The following OR10Z1 variants were observed in gnomAD, a reference collection of about 807,000 sequenced individuals.
OR10Z1 encodes olfactory receptor family 10 subfamily Z member 1, also known as olfactory receptor 10Z1.
For synonymous variants in OR10Z1, 187 were observed against 151.2 expected (o/e 1.24, Z -1.74); for missense variants, 468 against 371.0 (o/e 1.26, Z -2.15).
intron 1 of OR10Z1, among the ~76,000 whole-genome samples, chr1:158,605,636 C>T (rs1649030072): frequency 6.6e-6 from 1 of 152,266 alleles, no homozygotes; most frequent in South Asian, 2.1e-4. Flanking sequence ...AAGTGATTAT[C>T]GTTGAACTAA....
Position 158,607,348 on chromosome 1 carries a change from G to C in OR10Z1, c.910G>C (p.Ala304Pro). The change falls in exon 2 of 2, where the codon GCT becomes CCT. Residue 304 changes from alanine (A) to proline (P), a missense_variant. Ala to Pro is a conservative substitution (Grantham distance 27). Coordinates refer to ENST00000641002, the MANE Select transcript of OR10Z1 (RefSeq NM_001004478.2). ...GGCTATACAGACAGCTCTGAGGAATGCTTTCAGAGGGAGATTGCTGGGTAA... is the reference window on the plus strand; with the variant it reads ...GGCTATACAGACAGCTCTGAGGAATCCTTTCAGAGGGAGATTGCTGGGTAA... ...NRAIQTALRNAFRGRLLGKG is the reference protein window; with the variant it reads ...NRAIQTALRNPFRGRLLGKG The C allele has an allele frequency of 6.2e-7, 1 of 1,613,342 alleles. No homozygotes were observed. Among genetic ancestry groups the C allele is most frequent in the African/African-American group, 1.3e-5 (1 of 75,014 alleles).
chr1:158,611,069 T>C lies in OR10Z1; in HGVS notation c.*3689T>C. 2.8e-6 allele frequency: 2 copies of C among 719,008 alleles called. No homozygotes were observed. Among genetic ancestry groups the C allele is most frequent in the South Asian group, 3.5e-5 (2 of 57,022 alleles). The allele number at this position is 719,008 out of a possible 1,614,324, so 44.5% of individuals were successfully genotyped here. A position where few individuals can be genotyped will look rare whatever the true frequency, so the allele number is the denominator to read the frequency against. On this transcript the variant is annotated 3_prime_UTR_variant, in exon 2 of 2. Coordinates refer to ENST00000641002, the MANE Select transcript of OR10Z1 (RefSeq NM_001004478.2). ...ACTCCTCCAACTCTATTAACCTTTC[T>C]ATCTCCCACCCTTGAGATTTTTTAA... is the stretch of plus-strand genomic sequence containing the variant.
Position 158,611,718 on chromosome 1 carries a change from C to A in OR10Z1, c.*4338C>A. The A allele has an allele frequency of 3.6e-6, 1 of 279,576 alleles. No homozygotes were observed. Among genetic ancestry groups the A allele is most frequent in the South Asian group, 3.7e-5 (1 of 26,966 alleles). The allele number at this position is 279,576 out of a possible 1,614,324, so 17.3% of individuals were successfully genotyped here. On this transcript the variant is annotated 3_prime_UTR_variant, in exon 2 of 2. Coordinates refer to ENST00000641002, the MANE Select transcript of OR10Z1 (RefSeq NM_001004478.2). ...TTGATCTATTTCATCTTCCTGGCTG[C>A]TTTGAGATGTGGGGACTAGCATGTT...
Position 158,610,430 on chromosome 1 carries a change from A to G in OR10Z1, c.*3050A>G, listed in dbSNP as rs572761990. On this transcript the variant is annotated 3_prime_UTR_variant, in exon 2 of 2. Transcript: ENST00000641002. ...CCTGAAAATTTTTGAAGATAGCATC[A>G]CCTCTTCTTTTTTTAAAATTAATTC... 2.6e-5 allele frequency: 4 copies of G among 152,258 alleles called. No individual in the cohort carries two copies. The South Asian group carries it at 8.3e-4, about 32-fold the overall frequency. 9.4% of individuals were successfully genotyped at this position (152,258 alleles called of 1,614,324 possible).
Position 158,609,507 on chromosome 1 carries a change from G to A in OR10Z1, c.*2127G>A, listed in dbSNP as rs954330569. The A allele has an allele frequency of 1.3e-5, 2 of 152,132 alleles. No homozygotes were observed. The highest frequency in any genetic ancestry group is 2.4e-5 in the African/African-American group (1 of 41,432). 9.4% of individuals were successfully genotyped at this position (152,132 alleles called of 1,614,324 possible). A position where few individuals can be genotyped will look rare whatever the true frequency, so the allele number is the denominator to read the frequency against. On this transcript the variant is annotated 3_prime_UTR_variant, in exon 2 of 2. Coordinates refer to ENST00000641002, the MANE Select transcript of OR10Z1 (RefSeq NM_001004478.2). ...TTGACTAAATGCACAGTGACGAATG[G>A]TTAGTAAGGATGTTTCAAGTATTGC...
At position 158,609,837 on chromosome 1, in the gene OR10Z1, G is replaced by C. The variant is rs1469694839; in HGVS notation, c.*2457G>C. 6.6e-6 allele frequency: 1 copy of C among 152,068 alleles called. No individual in the cohort carries two copies. Among genetic ancestry groups the C allele is most frequent in the Non-Finnish European group, 1.5e-5 (1 of 67,994 alleles). 9.4% of individuals were successfully genotyped at this position (152,068 alleles called of 1,614,324 possible). A position where few individuals can be genotyped will look rare whatever the true frequency, so the allele number is the denominator to read the frequency against. ...TTGATTTAGGCCTTGAAAATTTTTG[G>C]CAGGGTTAGCATTGGGGGAATGGAA... is the stretch of plus-strand genomic sequence containing the variant. On this transcript the variant is annotated 3_prime_UTR_variant, in exon 2 of 2. Coordinates refer to ENST00000641002, the MANE Select transcript of OR10Z1 (RefSeq NM_001004478.2).
chr1:158,607,523 T>C lies in OR10Z1; in HGVS notation c.*143T>C, dbSNP rs1649091517. The C allele has an allele frequency of 1.6e-6, 1 of 622,824 alleles. No homozygotes were observed. Among genetic ancestry groups the C allele is most frequent in the African/African-American group, 1.8e-5 (1 of 54,470 alleles). The allele number at this position is 622,824 out of a possible 1,614,324, so 38.6% of individuals were successfully genotyped here. On this transcript the variant is annotated 3_prime_UTR_variant, in exon 2 of 2. Coordinates refer to ENST00000641002, the MANE Select transcript of OR10Z1 (RefSeq NM_001004478.2). ...GAAAGCCTTATCCTGCCTCTTGCCCTTCCCCCTGACTGCTTGGAATGCAGA... is the reference window on the plus strand; with the variant it reads ...GAAAGCCTTATCCTGCCTCTTGCCCCTCCCCCTGACTGCTTGGAATGCAGA...
chr1:158,610,317 C>A lies in OR10Z1; in HGVS notation c.*2937C>A, dbSNP rs1251670333. The A allele has an allele frequency of 6.6e-6, 1 of 152,062 alleles. No individual in the cohort carries two copies. The allele number at this position is 152,062 out of a possible 1,614,324, so 9.4% of individuals were successfully genotyped here. On this transcript the variant is annotated 3_prime_UTR_variant, in exon 2 of 2. Coordinates refer to ENST00000641002, the MANE Select transcript of OR10Z1 (RefSeq NM_001004478.2). ...GTTTTATACACAGCAATTAAGATAT[C>A]TAAGAATTCTCACCAGCAAATGACA...
At position 158,610,904 on chromosome 1, in the gene OR10Z1, C is replaced by T. The variant is rs1489039628; in HGVS notation, c.*3524C>T. On this transcript the variant is annotated 3_prime_UTR_variant, in exon 2 of 2. Coordinates refer to ENST00000641002, the MANE Select transcript of OR10Z1 (RefSeq NM_001004478.2). ...GCTCAACATTTTACTTAACTTTGCC[C>T]CAAAAAATATTTTTAAAAAGAATTA... 9.6e-6 allele frequency: 2 copies of T among 208,500 alleles called. No homozygotes were observed. The highest frequency in any genetic ancestry group is 1.2e-4 in the East Asian group (1 of 8,188). The allele number at this position is 208,500 out of a possible 1,614,324, so 12.9% of individuals were successfully genotyped here. A position where few individuals can be genotyped will look rare whatever the true frequency, so the allele number is the denominator to read the frequency against.
At position 158,607,283 on chromosome 1, in the gene OR10Z1, C is replaced by A. The variant is rs764033447; in HGVS notation, c.845C>A (p.Thr282Asn). 2 of 1,613,790 alleles carry A rather than the reference C, an allele frequency of 1.2e-6. No individual in the cohort carries two copies. Among genetic ancestry groups the A allele is most frequent in the Non-Finnish European group, 1.7e-6 (2 of 1,179,712 alleles). ...QLIAMTYTVVTPLLNPIVYSL... is the reference protein window; with the variant it reads ...QLIAMTYTVVNPLLNPIVYSL... ...ATTGCCATGACCTATACTGTAGTGA[C>A]CCCCCTCCTTAATCCCATTGTTTAT... is the stretch of plus-strand genomic sequence containing the variant. Residue 282 changes from threonine to asparagine, a missense_variant, in exon 2 of 2, where the codon ACC becomes AAC. Physicochemically the swap from Thr to Asn is moderately conservative, Grantham distance 65. Transcript: ENST00000641002.
Position 158,611,325 on chromosome 1 carries a change from C to A in OR10Z1, c.*3945C>A, listed in dbSNP as rs770750207. On this transcript the variant is annotated 3_prime_UTR_variant, in exon 2 of 2. Coordinates refer to ENST00000641002, the MANE Select transcript of OR10Z1 (RefSeq NM_001004478.2). Reference sequence around the variant, plus strand: ...GTCATAGCCAGAGAGATGGCTTCGACCCCGTGGGTCCATATATTGCTGCAT... The same window carrying A: ...GTCATAGCCAGAGAGATGGCTTCGAACCCGTGGGTCCATATATTGCTGCAT... 8.1e-6 allele frequency: 13 copies of A among 1,613,674 alleles called. No individual in the cohort carries two copies. The South Asian group carries it at 1.3e-4, about 16-fold the overall frequency.
Position 158,609,599 on chromosome 1 carries a change from T to C in OR10Z1, c.*2219T>C, listed in dbSNP as rs989949749. 7 of 152,292 alleles carry C rather than the reference T, an allele frequency of 4.6e-5. No individual in the cohort carries two copies. Among genetic ancestry groups the C allele is most frequent in the Middle Eastern group, 3.4e-3 (1 of 294 alleles). 9.4% of individuals were successfully genotyped at this position (152,292 alleles called of 1,614,324 possible). ...TAAGTATGGAAGGGTATAAAATCAC[T>C]TGGAGGGATTTTTCCAAATAGGTGT... On this transcript the variant is annotated 3_prime_UTR_variant, in exon 2 of 2. Transcript: ENST00000641002.
Position 158,605,414 on chromosome 1 carries a change from T to C in OR10Z1, c.-114+13T>C, listed in dbSNP as rs1649025415. ...TGAGTCTGTTCAGGTGAGTGGAGAA[T>C]CCTCCCTTGACTTATGCTTTGGTTT... On this transcript the variant is annotated intron_variant, in intron 1 of 1. Coordinates refer to ENST00000641002, the MANE Select transcript of OR10Z1 (RefSeq NM_001004478.2). The C allele has an allele frequency of 6.5e-6, 1 of 152,728 alleles. No homozygotes were observed. Among genetic ancestry groups the C allele is most frequent in the Non-Finnish European group, 1.5e-5 (1 of 68,078 alleles). The allele number at this position is 152,728 out of a possible 1,614,324, so 9.5% of individuals were successfully genotyped here. A position where few individuals can be genotyped will look rare whatever the true frequency, so the allele number is the denominator to read the frequency against.
chr1:158,605,893 A>C lies in OR10Z1; in HGVS notation c.-113-433A>C, dbSNP rs779340610. On this transcript the variant is annotated intron_variant, in intron 1 of 1. Transcript: ENST00000641002. ...TCTAACAAGCAATATGGGTGTGTCCATATGTGTATTCTTATGTGATAGTGT... is the reference window on the plus strand; with the variant it reads ...TCTAACAAGCAATATGGGTGTGTCCCTATGTGTATTCTTATGTGATAGTGT... 2.6e-5 allele frequency among the ~76,000 whole-genome samples: 4 copies of C among 152,184 alleles called. No homozygotes were observed. In the South Asian group the frequency reaches 8.3e-4, roughly 31 times the overall value.
chr1:158,608,523 G>A lies in OR10Z1; in HGVS notation c.*1143G>A, dbSNP rs981219279. 6 of 152,074 alleles carry A rather than the reference G, an allele frequency of 3.9e-5. No individual in the cohort carries two copies. Among genetic ancestry groups the A allele is most frequent in the South Asian group, 2.1e-4 (1 of 4,822 alleles). 9.4% of individuals were successfully genotyped at this position (152,074 alleles called of 1,614,324 possible). A position where few individuals can be genotyped will look rare whatever the true frequency, so the allele number is the denominator to read the frequency against. ...GCACAACCCTTGGATCATAGCGATC[G>A]TCCAATAAATTCCAGTTGCTACTAT... On this transcript the variant is annotated 3_prime_UTR_variant, in exon 2 of 2. Coordinates refer to ENST00000641002, the MANE Select transcript of OR10Z1 (RefSeq NM_001004478.2).
chr1:158,607,365 G>C lies in OR10Z1; in HGVS notation c.927G>C (p.Leu309Phe). 2 of 1,612,802 alleles carry C rather than the reference G, an allele frequency of 1.2e-6. No individual in the cohort carries two copies. The highest frequency in any genetic ancestry group is 1.3e-5 in the African/African-American group (1 of 75,018). Reference protein sequence around the residue: ...TALRNAFRGRLLGKG With the variant: ...TALRNAFRGRFLGKG ...TGAGGAATGCTTTCAGAGGGAGATT[G>C]CTGGGTAAAGGATGAAGGTTACCCC... The change falls in exon 2 of 2, where the codon TTG (leucine) becomes TTC (phenylalanine). Residue 309 changes from leucine (L) to phenylalanine (F), a missense_variant. Coordinates refer to ENST00000641002, the MANE Select transcript of OR10Z1 (RefSeq NM_001004478.2).
Position 158,611,131 on chromosome 1 carries a change from G to GCACGCACA in OR10Z1, c.*3754_*3755insGCACACAC. 1.3e-5 allele frequency: 9 copies of GCACGCACA among 670,346 alleles called. No individual in the cohort carries two copies. Among genetic ancestry groups the GCACGCACA allele is most frequent in the Middle Eastern group, 3.9e-4 (1 of 2,594 alleles). The allele number at this position is 670,346 out of a possible 1,614,324, so 41.5% of individuals were successfully genotyped here. On this transcript the variant is annotated 3_prime_UTR_variant, in exon 2 of 2. Coordinates refer to ENST00000641002, the MANE Select transcript of OR10Z1 (RefSeq NM_001004478.2). ...AAATGTAATATGCACACAAACACAA[G>GCACGCACA]CACACACACACACACACACACACAC...
In OR10Z1 at chr1:158,611,500, C is replaced by T. The variant is rs773465879; in HGVS notation, c.*4120C>T. On this transcript the variant is annotated 3_prime_UTR_variant, in exon 2 of 2. Coordinates refer to ENST00000641002, the MANE Select transcript of OR10Z1 (RefSeq NM_001004478.2). ...CAGGAGATGGAGAGTCTCTGGAAGACGCAAGCCCTATTTCTATTACACACA... is the reference window on the plus strand; with the variant it reads ...CAGGAGATGGAGAGTCTCTGGAAGATGCAAGCCCTATTTCTATTACACACA... 17 of 1,268,924 alleles carry T rather than the reference C, an allele frequency of 1.3e-5. No homozygotes were observed. The highest frequency in any genetic ancestry group is 6.0e-5 in the African/African-American group (4 of 66,154). 78.6% of individuals were successfully genotyped at this position (1,268,924 alleles called of 1,614,324 possible).
rs1454305685 is a variant in OR10Z1 at position 158,612,014 on chromosome 1, T to A, written c.*4634T>A. ...GATTGATAAAGAATTGCACCTTTAA[T>A]GTGTACAGTTTGATGAGTTTAGACA... On this transcript the variant is annotated 3_prime_UTR_variant, in exon 2 of 2. Transcript: ENST00000641002. 1 of 156,092 alleles carries A rather than the reference T, an allele frequency of 6.4e-6. No individual in the cohort carries two copies. The highest frequency in any genetic ancestry group is 1.4e-5 in the Non-Finnish European group (1 of 70,794). 9.7% of individuals were successfully genotyped at this position (156,092 alleles called of 1,614,324 possible).
Sources: gnomAD v4.1 joint callset for allele counts (sites outside exome capture counted in the v4.1 genomes callset) on GRCh38, gnomAD v4.1.1 for gene constraint, MANE v1.5 for transcripts, NCBI Gene and HGNC (gene_info 2026-07-23, HGNC 2026-07-21) for gene names.